NXN: variants seen among roughly 807,000 people sequenced by gnomAD.
The protein encoded by NXN is nucleoredoxin.
A neutral mutation model predicts 48.6 loss-of-function variants in NXN; 16 were observed. That is an observed-to-expected ratio of 0.33 (90% CI 0.22 to 0.50). NXN has a LOEUF of 0.50. Ranked by LOEUF, NXN falls within the 20% of genes least tolerant of loss-of-function variation. The pLI is 0.98. For synonymous variants in NXN, 281 were observed against 269.6 expected, an observed-to-expected ratio of 1.04 and a Z score of -0.41; for missense variants, 492 against 605.5, an observed-to-expected ratio of 0.81 and a Z score of 1.97.
intron 1 of NXN, among the ~76,000 whole-genome samples, chr17:863,375 G>A (rs2068060988): frequency 6.6e-6 from 1 of 152,124 alleles, no homozygotes; most frequent in Admixed American, 6.6e-5. Flanking sequence ...CACCGTGTGA[G>A]CCAGGATGGT....
At chr17:883,044 G>A (rs535219294) in intron 1 of NXN, among the ~76,000 whole-genome samples, 69 of 152,268 alleles carry the variant, frequency 4.5e-4, no homozygotes, top group African/African-American at 1.6e-3. Flanking sequence ...GTGAGCCCCC[G>A]TCTCCACTAA....
intron 1 of NXN, among the ~76,000 whole-genome samples, chr17:846,081 CATAA>C (rs1016615138): frequency 6.6e-6 from 1 of 150,966 alleles, no homozygotes; most frequent in African/African-American, 2.4e-5. Context: ...GACTGCATCT[CATAA>C]ATAAATAAAT....
chr17:876,053 C>T (rs1014245264), intron 1 of NXN, among the ~76,000 whole-genome samples: 1 of 151,964 alleles, frequency 6.6e-6, no homozygotes, highest in African/African-American at 2.4e-5. Flanking sequence ...TGGTGGCGTG[C>T]ACCTGTAATC....
At chr17:944,007 G>A (rs1414246020) in intron 1 of NXN, among the ~76,000 whole-genome samples, 1 of 152,068 alleles carries the variant, frequency 6.6e-6, no homozygotes, top group Admixed American at 6.6e-5. Flanking sequence ...GGAGGCCAAG[G>A]TGGGTGGATC....
At chr17:953,558 TAGG>T (rs1229208116) in intron 1 of NXN, among the ~76,000 whole-genome samples, 5 of 152,150 alleles carry the variant, frequency 3.3e-5, no homozygotes, top group Admixed American at 1.3e-4. Flanking sequence ...ATAAACCTGT[TAGG>T]ATTCTCCAGC....
In NXN at chr17:917,574, T is replaced by C. The variant is rs541595431; in HGVS notation, c.360+61745A>G. The stretch of plus-strand genomic sequence containing the variant: ...CCCATTTTTTATCTCCACCCACTCT[T>C]TGAACTTAGCACTGGTGTCTACAGG... On this transcript the variant is annotated intron_variant, in intron 1 of 7. Coordinates refer to ENST00000336868, the MANE Select transcript of NXN (RefSeq NM_022463.5). This position sits in a 1 kb window ranked among gnomAD's most constrained non-coding sequence, Gnocchi z 4.5. 5.3e-5 allele frequency among the ~76,000 whole-genome samples: 8 copies of C among 152,340 alleles called. No homozygotes were observed. The highest frequency in any genetic ancestry group is 2.1e-4 in the South Asian group (1 of 4,828).
At chr17:840,287 G>A (rs760455321) in intron 1 of NXN, among the ~76,000 whole-genome samples, 2 of 152,184 alleles carry the variant, frequency 1.3e-5, no homozygotes, top group Non-Finnish European at 2.9e-5. Flanking sequence ...AGAAGGACCA[G>A]GGGACAACTG....
intron 1 of NXN, among the ~76,000 whole-genome samples, chr17:870,352 C>T (rs78301146): frequency 0.022 from 3,294 of 152,148 alleles, 99 homozygotes; most frequent in African/African-American, 0.075. Context: ...TACCGTGGGA[C>T]GTGGGTGATT....
At chr17:812,852 A>G (rs574560243) in intron 5 of NXN, among the ~76,000 whole-genome samples, 29 of 127,792 alleles carry the variant, frequency 2.3e-4, no homozygotes, top group Admixed American at 8.0e-4. Flanking sequence ...AGGTGTGTGC[A>G]TGTGTGTAGG....
At chr17:935,022 C>T (rs1462972735) in intron 1 of NXN, among the ~76,000 whole-genome samples, 1 of 151,674 alleles carries the variant, frequency 6.6e-6, no homozygotes, top group East Asian at 1.9e-4. Context: ...TGGGGTCTCT[C>T]ACCCTGTCTC....
chr17:875,995 A>C (rs909760153), intron 1 of NXN, among the ~76,000 whole-genome samples: 3 of 152,080 alleles, frequency 2.0e-5, no homozygotes, highest in African/African-American at 7.2e-5. Flanking sequence ...CATCCTGGCT[A>C]TCAGGGTGAA....
intron 1 of NXN, among the ~76,000 whole-genome samples, chr17:862,084 G>C (rs569819914): frequency 6.6e-6 from 1 of 152,226 alleles, no homozygotes; most frequent in Admixed American, 6.5e-5. Context: ...ACCAGCCTCA[G>C]TCTCCCAAAG....
chr17:890,839 T>C (rs1454127165), intron 1 of NXN, among the ~76,000 whole-genome samples: 1 of 152,100 alleles, frequency 6.6e-6, no homozygotes, highest in Non-Finnish European at 1.5e-5. Flanking sequence ...GCTTTTGGAT[T>C]CTCCTCCCAG....
intron 1 of NXN, among the ~76,000 whole-genome samples, chr17:948,696 G>C (rs916245623): frequency 6.6e-6 from 1 of 151,862 alleles, no homozygotes; most frequent in African/African-American, 2.4e-5. Context: ...GTCCCAACGC[G>C]GGGCCTCACC....
chr17:919,396 T>C lies in NXN; in HGVS notation c.360+59923A>G, dbSNP rs2068722673. 6.6e-6 allele frequency among the ~76,000 whole-genome samples: 1 copy of C among 152,170 alleles called. No individual in the cohort carries two copies. The highest frequency in any genetic ancestry group is 2.4e-5 in the African/African-American group (1 of 41,440). ...CAAAAAAAAGGTTCTGGAATGATTA[T>C]TCCAATTAAACAGCTTTTATTACAA... On this transcript the variant is annotated intron_variant, in intron 1 of 7. Coordinates refer to ENST00000336868, the MANE Select transcript of NXN (RefSeq NM_022463.5). This position sits in a 1 kb window ranked among gnomAD's most constrained non-coding sequence, Gnocchi z 5.1.
chr17:810,113 G>GAGTCCGTGTGAGTGGCGTGCACGTTACA (rs2144591652), intron 5 of NXN, among the ~76,000 whole-genome samples: 1 of 137,540 alleles, frequency 7.3e-6, no homozygotes, highest in South Asian at 2.4e-4. Flanking sequence ...TGCACGTTAC[G>GAGTCCGTGTGAGTGGCGTGCACGTTACA]AGTCCGTGTG....
chr17:827,547 C>G (rs1040864441), intron 1 of NXN, among the ~76,000 whole-genome samples: 1 of 152,152 alleles, frequency 6.6e-6, no homozygotes, highest in Admixed American at 6.5e-5. Flanking sequence ...GGCGTGAACC[C>G]GGGAGGCGGG....
At position 849,168 on chromosome 17, in the gene NXN, G is replaced by A. The variant is rs192991667; in HGVS notation, c.361-23090C>T. 4.7e-4 allele frequency among the ~76,000 whole-genome samples: 71 copies of A among 151,772 alleles called. No homozygotes were observed. The highest frequency in any genetic ancestry group is 7.7e-4 in the Non-Finnish European group (52 of 67,934). ...GCAGGCAATCATGGTGGGTGTGCAC[G>A]CTTGATCTAAGACCAATCACGCTCT... On this transcript the variant is annotated intron_variant, in intron 1 of 7. Coordinates refer to ENST00000336868, the MANE Select transcript of NXN (RefSeq NM_022463.5). This position sits in a 1 kb window ranked among gnomAD's most constrained non-coding sequence, Gnocchi z 4.2.
intron 1 of NXN, among the ~76,000 whole-genome samples, chr17:902,194 C>T (rs1360737898): frequency 3.9e-5 from 6 of 152,224 alleles, no homozygotes; most frequent in Admixed American, 3.3e-4. Flanking sequence ...TCGCCAGTTT[C>T]ATTATTCACT....
Sources: allele counts gnomAD v4.1 joint callset (sites outside exome capture counted in the v4.1 genomes callset), GRCh38; gene constraint gnomAD v4.1.1; non-coding constraint Gnocchi (gnomAD v3.1); transcripts MANE v1.5; gene names NCBI Gene and HGNC (gene_info 2026-07-23, HGNC 2026-07-21).